Variants in GVQW3 observed in about 807,000 individuals in gnomAD.
GVQW3 encodes the protein protein GVQW3.
Under a neutral mutation model 12.5 loss-of-function variants are expected in GVQW3, and 7 were observed. The observed-to-expected ratio is 0.56, with a 90% confidence interval of 0.32 to 1.05. The LOEUF (loss-of-function observed/expected upper bound fraction) is 1.05, where lower values mean the gene tolerates loss of function less well. GVQW3 is among the 50% of genes least tolerant of loss of function. GVQW3 has a pLI of 0.04. For missense variants in GVQW3, 188 were observed against 190.8 expected (o/e 0.99, Z 0.09); for synonymous variants, 71 against 67.2 (o/e 1.06, Z -0.28).
At chr11:76,400,047 ACACG>A (rs1946974637) in intron 1 of GVQW3, among the ~76,000 whole-genome samples, 2 of 149,516 alleles carry the variant, frequency 1.3e-5, no homozygotes, top group Admixed American at 6.7e-5. Context: ...ACACACACAC[ACACG>A]GATCTTGTTG....
chr11:76,384,416 A>G (rs1946811026), intron 1 of GVQW3, among the ~76,000 whole-genome samples: 1 of 152,184 alleles, frequency 6.6e-6, no homozygotes, highest in Non-Finnish European at 1.5e-5. Context: ...TCCGCCTCCC[A>G]GGTTCAAGTG....
At chr11:76,401,695 C>T (rs1946990494) in intron 1 of GVQW3, among the ~76,000 whole-genome samples, 1 of 150,266 alleles carries the variant, frequency 6.7e-6, no homozygotes, top group Admixed American at 6.6e-5. Context: ...ACCACTTGAA[C>T]CTGGGAGGCG....
At chr11:76,385,519 CTT>C (rs1157389781) in intron 1 of GVQW3, among the ~76,000 whole-genome samples, 5 of 152,224 alleles carry the variant, frequency 3.3e-5, no homozygotes, top group Non-Finnish European at 7.3e-5. Context: ...TTACTCCTCT[CTT>C]TCCTTGTTGC....
chr11:76,400,477 A>G (rs1006921703), intron 1 of GVQW3, among the ~76,000 whole-genome samples: 3 of 150,994 alleles, frequency 2.0e-5, no homozygotes, highest in Non-Finnish European at 3.0e-5. Flanking sequence ...CTGGAGTGCA[A>G]TGGCACAATC....
At chr11:76,408,169 C>T (rs759145318), downstream of GVQW3, 3 of 152,062 alleles carry the variant, frequency 2.0e-5, no homozygotes, top group Non-Finnish European at 4.4e-5. Flanking sequence ...GATCTGCCCC[C>T]AGGGTTCTGA....
intron 1 of GVQW3, among the ~76,000 whole-genome samples, chr11:76,401,618 T>C (rs1404349006): frequency 1.3e-5 from 2 of 151,352 alleles, no homozygotes; most frequent in Non-Finnish European, 2.9e-5. Context: ...ACTAAAAATA[T>C]AAAAATTAGC....
rs575051223 is a variant in GVQW3 at position 76,404,737 on chromosome 11, C to T, written c.*979C>T. 1.3e-5 allele frequency: 2 copies of T among 152,426 alleles called. No individual in the cohort carries two copies. Among genetic ancestry groups the T allele is most frequent in the South Asian group, 4.1e-4 (2 of 4,828 alleles). The allele number at this position is 152,426 out of a possible 1,614,324, so 9.4% of individuals were successfully genotyped here. A position where few individuals can be genotyped will look rare whatever the true frequency, so the allele number is the denominator to read the frequency against. ...GTCCTGCTGGGTTTGGGCAATGTCTCAGCAGAGACTGGCATACTCTCAGGC... is the reference window on the plus strand; with the variant it reads ...GTCCTGCTGGGTTTGGGCAATGTCTTAGCAGAGACTGGCATACTCTCAGGC... On this transcript the variant is annotated 3_prime_UTR_variant, in exon 2 of 2. Transcript: ENST00000529331.
At chr11:76,403,226 G>A (rs1947008246) in intron 1 of GVQW3, among the ~76,000 whole-genome samples, 4 of 152,094 alleles carry the variant, frequency 2.6e-5, no homozygotes, top group African/African-American at 4.8e-5. Flanking sequence ...GATTACAGGC[G>A]TGAGCCACCA....
chr11:76,385,229 C>G (rs1946820508), intron 1 of GVQW3, among the ~76,000 whole-genome samples: 1 of 152,186 alleles, frequency 6.6e-6, no homozygotes, highest in Non-Finnish European at 1.5e-5. Flanking sequence ...CAGAGCAAAC[C>G]ATTCACATTT....
chr11:76,410,082 C>A (rs1005289852), downstream of GVQW3, among the ~76,000 whole-genome samples: 26 of 152,024 alleles, frequency 1.7e-4, no homozygotes, highest in Admixed American at 1.7e-3. Context: ...CAGAGTAAGA[C>A]CCCATCTCTA....
At chr11:76,383,777 CAA>C (rs66514434) in intron 1 of GVQW3, 14 of 147,306 alleles carry the variant, frequency 9.5e-5, no homozygotes, top group South Asian at 2.1e-4. Flanking sequence ...GACTCTGTCC[CAA>C]AAAAAAAAAA....
chr11:76,384,710 A>G (rs561962118), intron 1 of GVQW3, among the ~76,000 whole-genome samples: 2 of 152,328 alleles, frequency 1.3e-5, no homozygotes, highest in East Asian at 3.9e-4. Flanking sequence ...AAACCAAACA[A>G]CAGCTTATAG....
chr11:76,400,323 A>G (rs1191369827), intron 1 of GVQW3, among the ~76,000 whole-genome samples: 3 of 152,000 alleles, frequency 2.0e-5, no homozygotes, highest in Non-Finnish European at 4.4e-5. Flanking sequence ...CATGTTGGCC[A>G]GACTGGTCCT....
chr11:76,399,691 C>A (rs1221288461), intron 1 of GVQW3, among the ~76,000 whole-genome samples: 1 of 152,156 alleles, frequency 6.6e-6, no homozygotes, highest in Non-Finnish European at 1.5e-5. Context: ...TTGGATGGAA[C>A]AAAAAGGCTG....
In GVQW3 at chr11:76,404,467, G is replaced by C. The variant is rs1452143792; in HGVS notation, c.*709G>C. The stretch of plus-strand genomic sequence containing the variant: ...CAATTTTTGCTGGAGCAAATATTCT[G>C]AAAAAGATTCCTCCTGTTTCCTATG... On this transcript the variant is annotated 3_prime_UTR_variant, in exon 2 of 2. Transcript: ENST00000529331. The C allele has an allele frequency of 6.5e-6, 1 of 153,078 alleles. No homozygotes were observed. The highest frequency in any genetic ancestry group is 1.9e-4 in the East Asian group (1 of 5,224). The allele number at this position is 153,078 out of a possible 1,614,324, so 9.5% of individuals were successfully genotyped here. A position where few individuals can be genotyped will look rare whatever the true frequency, so the allele number is the denominator to read the frequency against.
chr11:76,386,793 T>C (rs1164332097), intron 1 of GVQW3, among the ~76,000 whole-genome samples: 3 of 152,228 alleles, frequency 2.0e-5, no homozygotes, highest in East Asian at 3.8e-4. Context: ...GTATTTATGT[T>C]CTACAGTGTC....
rs530501516 is a variant in GVQW3 at position 76,382,044 on chromosome 11, T to G, written c.216T>G (p.Asp72Glu). ...GGCGTCCAGTCACCCACCGAACAGA[T>G]GACAATATCCAGAAGGTCAAGGACT... ...RSGRPVTHRT[D>E]DNIQKVKDLV... Residue 72 changes from aspartate to glutamate, a missense_variant, in exon 1 of 2, where the codon GAT becomes GAG. Transcript: ENST00000529331. 2.0e-6 allele frequency: 3 copies of G among 1,536,546 alleles called. No homozygotes were observed. The African/African-American group carries it at 4.1e-5, about 21-fold the overall frequency.
intron 1 of GVQW3, chr11:76,383,781 A>ACCC (rs879321977): frequency 3.8e-4 from 58 of 150,872 alleles, no homozygotes; most frequent in African/African-American, 1.1e-3. Flanking sequence ...CTGTCCCAAA[A>ACCC]AAAAAAAAAA....
At chr11:76,399,624 G>A (rs755857910) in intron 1 of GVQW3, among the ~76,000 whole-genome samples, 3 of 152,176 alleles carry the variant, frequency 2.0e-5, no homozygotes, top group Non-Finnish European at 4.4e-5. Context: ...AATAGACTGA[G>A]TAAAGCAGAC....
Sources: gnomAD v4.1 joint callset for allele counts (sites outside exome capture counted in the v4.1 genomes callset) on GRCh38, gnomAD v4.1.1 for gene constraint, MANE v1.5 for transcripts, NCBI Gene and HGNC (gene_info 2026-07-23, HGNC 2026-07-21) for gene names.